NLRP1: variants seen among roughly 807,000 people sequenced by gnomAD.
NLRP1 encodes the protein NLR family pyrin domain containing 1, also known as NACHT, LRR and PYD domains-containing protein 1.
A neutral mutation model predicts 136.7 loss-of-function variants in NLRP1; 94 were observed. That is an observed-to-expected ratio of 0.69 (90% CI 0.58 to 0.82). The LOEUF (loss-of-function observed/expected upper bound fraction) is 0.82. Ranked by LOEUF, NLRP1 falls within the 40% of genes least tolerant of loss-of-function variation. The probability of loss-of-function intolerance (pLI) is 0.00; values close to 1 mark genes in which losing one functional copy is unlikely to be tolerated. For synonymous variants in NLRP1, 690 were observed against 725.1 expected, an observed-to-expected ratio of 0.95 and a Z score of 0.78; for missense variants, 1,575 against 1,802.7, an observed-to-expected ratio of 0.87 and a Z score of 2.29.
exon 16 of NLRP1, chr17:5,501,840 A>G: frequency 6.2e-7 from 1 of 1,613,922 alleles, no homozygotes; most frequent in Non-Finnish European, 8.5e-7. Context: ...TCTCTGTTGC[A>G]CCTGAGGTTC....
chr17:5,530,540 A>T lies in NLRP1; in HGVS notation c.3461T>A (p.Ile1154Asn). The T allele has an allele frequency of 6.2e-7, 1 of 1,614,216 alleles. No individual in the cohort carries two copies. Among genetic ancestry groups the T allele is most frequent in the Non-Finnish European group, 8.5e-7 (1 of 1,180,042 alleles). Residue 1154 changes from isoleucine to asparagine, a missense_variant, in exon 12 of 17, where the codon ATC becomes AAC. Physicochemically the swap from Ile to Asn is moderately radical, Grantham distance 149. Transcript: ENST00000572272. ...SWMVAGPLLD[I>N]KAEPGAVEAV... ...TTCCACAGCTCCAGGCTCAGCCTTGATGTCCAGCAGAGGCCCTGCCACCAT... is the reference window on the plus strand; with the variant it reads ...TTCCACAGCTCCAGGCTCAGCCTTGTTGTCCAGCAGAGGCCCTGCCACCAT...
intron 12 of NLRP1, among the ~76,000 whole-genome samples, chr17:5,524,118 G>A (rs538651160): frequency 6.6e-6 from 1 of 152,266 alleles, no homozygotes; most frequent in Non-Finnish European, 1.5e-5. Context: ...TCACCATGTT[G>A]GCCAGGCTGG....
chr17:5,531,352 ACTAC>A (rs1910252396), intron 11 of NLRP1, among the ~76,000 whole-genome samples: 1 of 152,092 alleles, frequency 6.6e-6, no homozygotes, highest in East Asian at 1.9e-4. Context: ...AGTAGCTAGG[ACTAC>A]AGGTACATGT....
Position 5,527,955 on chromosome 17 carries a change from G to A in NLRP1, c.3520+2526C>T, listed in dbSNP as rs1909766523. 2.0e-5 allele frequency among the ~76,000 whole-genome samples: 3 copies of A among 152,342 alleles called. No homozygotes were observed. The South Asian group carries it at 6.2e-4, about 32-fold the overall frequency. The stretch of plus-strand genomic sequence containing the variant: ...CCACCTCTGAGAGTGGGGAATGAGG[G>A]GGCGCTGGAGCAGGACCTGAAGGCA... On this transcript the variant is annotated intron_variant, in intron 12 of 16. Transcript: ENST00000572272.
At chr17:5,512,571 G>A (rs1907713186), downstream of NLRP1, 5 of 526,734 alleles carry the variant, frequency 9.5e-6, no homozygotes, top group African/African-American at 3.8e-5. Flanking sequence ...GTCTGCATGT[G>A]GTAAAGGAGA....
chr17:5,582,189 G>A (rs1028172567), intron 2 of NLRP1, 127 bp from the exon 3 acceptor site: 29 of 802,736 alleles, frequency 3.6e-5, no homozygotes, highest in Middle Eastern at 3.4e-4. Flanking sequence ...AAACCATGTT[G>A]AAGTAGAGGG....
intron 11 of NLRP1, among the ~76,000 whole-genome samples, chr17:5,532,498 A>G (rs1910433638): frequency 6.6e-6 from 1 of 152,238 alleles, no homozygotes; most frequent in Non-Finnish European, 1.5e-5. Flanking sequence ...TACTGTAACA[A>G]TAACAAAGAG....
chr17:5,560,422 G>A (rs1173725565), intron 3 of NLRP1, among the ~76,000 whole-genome samples: 1 of 152,078 alleles, frequency 6.6e-6, no homozygotes, highest in Non-Finnish European at 1.5e-5. Context: ...TAAGCTGGGG[G>A]TTGTAGGTCA....
intron 12 of NLRP1, among the ~76,000 whole-genome samples, chr17:5,525,593 G>C (rs539209850): frequency 3.3e-5 from 5 of 152,294 alleles, no homozygotes; most frequent in African/African-American, 1.2e-4. Flanking sequence ...TACTCAAGCA[G>C]GGACAGTGGG....
intron 4 of NLRP1, among the ~76,000 whole-genome samples, chr17:5,557,144 C>T (rs1403591902): frequency 6.6e-6 from 1 of 151,998 alleles, no homozygotes; most frequent in African/African-American, 2.4e-5. Context: ...GCTGGGATTA[C>T]AGGCGTGTGC....
In NLRP1 at chr17:5,581,911, C is replaced by G. The variant is rs1360591769; in HGVS notation, c.600G>C (p.Glu200Asp). 6.2e-7 allele frequency: 1 copy of G among 1,613,778 alleles called. No individual in the cohort carries two copies. The highest frequency in any genetic ancestry group is 1.1e-5 in the South Asian group (1 of 91,074). Residue 200 changes from glutamate to aspartate, a missense_variant, in exon 3 of 17, where the codon GAG (glutamate) becomes GAC (aspartate). Transcript: ENST00000572272. ...PQPSLAPREQ[E>D]APGTQWPLDE... ...CCAGAGGCCATTGGGTCCCAGGAGC[C>G]TCCTGCTCTCTGGGTGCTAGGCTGG...
At position 5,583,813 on chromosome 17, in the gene NLRP1, T is replaced by C. The variant is rs199880477; in HGVS notation, c.145A>G (p.Ser49Gly). The C allele has an allele frequency of 1.9e-6, 3 of 1,560,810 alleles. No homozygotes were observed. Among genetic ancestry groups the C allele is most frequent in the Non-Finnish European group, 2.6e-6 (3 of 1,151,362 alleles). Residue 49 changes from serine to glycine, a missense_variant, in exon 1 of 17, where the codon AGT (serine) becomes GGT (glycine). Transcript: ENST00000572272. This position sits in a 1 kb window ranked among gnomAD's most constrained non-coding sequence, Gnocchi z 4.5. ...AGGTACGAGGCCACCTCCATGCCACTCGTCTTCTCTGGCTGAGCGGGTGTC... is the reference window on the plus strand; with the variant it reads ...AGGTACGAGGCCACCTCCATGCCACCCGTCTTCTCTGGCTGAGCGGGTGTC... ...GETPAQPEKT[S>G]GMEVASYLVA... is the part of the protein sequence containing the mutation.
chr17:5,511,053 A>G (rs79037951), downstream of NLRP1, among the ~76,000 whole-genome samples: 4,913 of 152,200 alleles, frequency 0.032, 152 homozygotes, highest in Non-Finnish European at 0.045. Flanking sequence ...CTGTTTCAAG[A>G]TCACACATCT....
At position 5,537,224 on chromosome 17, in the gene NLRP1, T is replaced by C. The variant is rs1911199455; in HGVS notation, c.2871-284A>G. ...TCTGGGAGATGATCCTTTAGAGCTG[T>C]TTAAAGGAGTTGGGTTGAGGGGCTG... is the stretch of plus-strand genomic sequence containing the variant. On this transcript the variant is annotated intron_variant, in intron 7 of 16. Transcript: ENST00000572272. This position sits in a 1 kb window ranked among gnomAD's most constrained non-coding sequence, Gnocchi z 4.5. Among the ~76,000 whole-genome samples, 1 of 152,158 alleles carries C rather than the reference T, an allele frequency of 6.6e-6. No individual in the cohort carries two copies. The highest frequency in any genetic ancestry group is 6.5e-5 in the Admixed American group (1 of 15,276).
rs1241243929 is a variant in NLRP1 at position 5,530,683 on chromosome 17, G to A, written c.3318C>T (p.Gly1106=). 9.3e-6 allele frequency: 15 copies of A among 1,613,950 alleles called. No homozygotes were observed. The highest frequency in any genetic ancestry group is 5.3e-5 in the African/African-American group (4 of 74,944). ...NLYRVHFPVA[G]SYRWPNTGLC... ...GACCCGTGTTGGGCCAGCGGTAGGA[G>A]CCAGCTACAGGGAAGTGAACTCTGG... Residue 1106 remains glycine (G), a synonymous_variant, in exon 12 of 17, where the codon GGC becomes GGT. Transcript: ENST00000572272.
chr17:5,557,082 C>A (rs1447966411), intron 4 of NLRP1, among the ~76,000 whole-genome samples: 3 of 152,196 alleles, frequency 2.0e-5, no homozygotes, highest in African/African-American at 4.8e-5. Context: ...CAGCTCATTG[C>A]AAACTCCGTC....
intron 5 of NLRP1, among the ~76,000 whole-genome samples, chr17:5,547,367 A>G (rs551712295): frequency 2.0e-5 from 3 of 152,206 alleles, no homozygotes; most frequent in Non-Finnish European, 4.4e-5. Flanking sequence ...CATGTTATTA[A>G]TGAGTAAACT....
chr17:5,543,185 G>A (rs1185859084), intron 5 of NLRP1, among the ~76,000 whole-genome samples: 2 of 152,162 alleles, frequency 1.3e-5, no homozygotes, highest in Admixed American at 6.5e-5. Context: ...GCATACAGTA[G>A]GTGCTTAGTA....
intron 15 of NLRP1, among the ~76,000 whole-genome samples, chr17:5,516,574 G>T (rs565971023): frequency 1.3e-5 from 2 of 152,172 alleles, no homozygotes; most frequent in Admixed American, 1.3e-4. Context: ...ACATTGCTAC[G>T]ATTTGTTAAG....
Sources: allele counts gnomAD v4.1 joint callset (sites outside exome capture counted in the v4.1 genomes callset), GRCh38; gene constraint gnomAD v4.1.1; non-coding constraint Gnocchi (gnomAD v3.1); transcripts MANE v1.5; gene names NCBI Gene and HGNC (gene_info 2026-07-23, HGNC 2026-07-21).